The following GPHN variants were observed in gnomAD, a reference collection of about 807,000 sequenced individuals.
The protein encoded by GPHN is gephyrin.
Under a neutral mutation model 95.5 loss-of-function variants are expected in GPHN, and 17 were observed. That is an observed-to-expected ratio of 0.18 (90% CI 0.12 to 0.27). GPHN has a LOEUF of 0.27. GPHN is among the 10% of genes least tolerant of loss of function. The pLI, the probability that GPHN is intolerant of heterozygous loss-of-function variation, is 1.00. For synonymous variants in GPHN, 320 were observed against 322.5 expected, an observed-to-expected ratio of 0.99 and a Z score of 0.08; for missense variants, 660 against 978.1, an observed-to-expected ratio of 0.67 and a Z score of 4.34.
the GPHN span, among the ~76,000 whole-genome samples, chr14:67,643,320 A>G: frequency 1.3e-5 from 2 of 152,380 alleles, no homozygotes; most frequent in East Asian, 1.9e-4. Context: ...CAGAATTTCA[A>G]AGGAGGAAGA....
the GPHN span, chr14:67,575,780 T>G: frequency 6.6e-7 from 1 of 1,506,130 alleles, no homozygotes; most frequent in Admixed American, 1.8e-5. Context: ...GACTCCCTCA[T>G]CCCCCACTGG....
At chr14:66,935,147 C>T (rs1160162381) in intron 8 of GPHN, among the ~76,000 whole-genome samples, 2 of 152,078 alleles carry the variant, frequency 1.3e-5, no homozygotes, top group Non-Finnish European at 2.9e-5. Flanking sequence ...GCTTTGCAGC[C>T]TCAAGGCAAC....
At chr14:67,260,569 GGA>G in the GPHN span, among the ~76,000 whole-genome samples, 1 of 152,122 alleles carries the variant, frequency 6.6e-6, no homozygotes, top group African/African-American at 2.4e-5. Flanking sequence ...AGTTTGTAGA[GGA>G]GAGAGAGGGC....
chr14:67,559,485 C>A, the GPHN span: 1 of 644,492 alleles, frequency 1.6e-6, no homozygotes, highest in Non-Finnish European at 2.8e-6. Flanking sequence ...CAAACGATTT[C>A]TGCTCACTGG....
At chr14:66,588,069 G>A (rs1259045468) in intron 1 of GPHN, among the ~76,000 whole-genome samples, 1 of 152,192 alleles carries the variant, frequency 6.6e-6, no homozygotes, top group Admixed American at 6.5e-5. Context: ...CTGTTCTGCA[G>A]CCTCCGCTGG....
the GPHN span, among the ~76,000 whole-genome samples, chr14:67,508,753 C>CAAAAAAAAAAAAAAACAA: frequency 1.3e-4 from 6 of 46,714 alleles, no homozygotes; most frequent in Non-Finnish European, 2.3e-4. Flanking sequence ...AACCTTGTCT[C>CAAAAAAAAAAAAAAACAA]AAAAAAAAAA....
At chr14:67,211,660 C>G in the GPHN span, among the ~76,000 whole-genome samples, 1 of 152,114 alleles carries the variant, frequency 6.6e-6, no homozygotes, top group Non-Finnish European at 1.5e-5. Context: ...GGCAAAGTGG[C>G]TCACACGCCT....
chr14:67,257,484 C>A, the GPHN span, among the ~76,000 whole-genome samples: 3 of 152,048 alleles, frequency 2.0e-5, no homozygotes, highest in Non-Finnish European at 2.9e-5. Context: ...ACTTTGCTTT[C>A]ACAGGATGTA....
rs141837605 is a variant in GPHN at position 66,901,970 on chromosome 14, A to G, written c.390-14033A>G. ...GAATGTCTAGATTACATTGGGTACT[A>G]TGGTCATTTTAACAATATTCTTCCT... On this transcript the variant is annotated intron_variant, in intron 5 of 22. Transcript: ENST00000478722. 1.8e-4 allele frequency among the ~76,000 whole-genome samples: 27 copies of G among 152,106 alleles called. 1 individual carries two copies. In the South Asian group the frequency reaches 5.2e-3, roughly 29 times the overall value.
rs549713805 is a variant in GPHN, at chr14:66,882,856, TA to T, written c.389+2835del. Among the ~76,000 whole-genome samples the T allele has an allele frequency of 5.0e-3, 710 of 142,668 alleles. 8 individuals carry two copies. The highest frequency in any genetic ancestry group is 0.03 in the East Asian group (150 of 4,998). The allele number at this position is 142,668 out of a possible 152,430, so 93.6% of individuals were successfully genotyped here. On this transcript the variant is annotated intron_variant, in intron 5 of 22. Transcript: ENST00000478722. ...GTTGACTGTTCTTTTCTTTCAGCAT[TA>T]AAAAAAAAAAAGTAAAATAAAATAT...
chr14:67,417,536 A>G, the GPHN span, among the ~76,000 whole-genome samples: 1 of 151,406 alleles, frequency 6.6e-6, no homozygotes, highest in Non-Finnish European at 1.5e-5. Flanking sequence ...GGTATAAGCA[A>G]TCCCCCTACC....
intron 8 of GPHN, among the ~76,000 whole-genome samples, chr14:66,945,045 T>G (rs1440328488): frequency 6.6e-6 from 1 of 152,246 alleles, no homozygotes; most frequent in African/African-American, 2.4e-5. Flanking sequence ...TAGACTTGCT[T>G]GGTACTTACC....
At chr14:67,600,887 C>A in the GPHN span, among the ~76,000 whole-genome samples, 1 of 152,152 alleles carries the variant, frequency 6.6e-6, no homozygotes, top group African/African-American at 2.4e-5. Context: ...CCCAAACCCA[C>A]AGTTTTAATC....
At chr14:67,414,306 C>T in the GPHN span, among the ~76,000 whole-genome samples, 1 of 152,214 alleles carries the variant, frequency 6.6e-6, no homozygotes, top group African/African-American at 2.4e-5. Context: ...TCCAGCCCAC[C>T]CTGCCTGACT....
chr14:67,253,199 G>T, the GPHN span, among the ~76,000 whole-genome samples: 1 of 152,184 alleles, frequency 6.6e-6, no homozygotes, highest in African/African-American at 2.4e-5. Context: ...AATTCAGTAG[G>T]TTTTATTTTG....
intron 2 of GPHN, among the ~76,000 whole-genome samples, chr14:66,754,215 A>T (rs1183733980): frequency 6.6e-6 from 1 of 152,084 alleles, no homozygotes; most frequent in Non-Finnish European, 1.5e-5. Context: ...TCTCTTAGAT[A>T]AGTACTTAGT....
intron 1 of GPHN, among the ~76,000 whole-genome samples, chr14:66,585,529 G>T (rs1044043127): frequency 5.3e-5 from 8 of 151,998 alleles, no homozygotes; most frequent in African/African-American, 1.2e-4. Context: ...GGCATTTAGT[G>T]CTATAAATTT....
chr14:66,898,466 T>TAA (rs59434196), intron 5 of GPHN, among the ~76,000 whole-genome samples: 22,160 of 91,374 alleles, frequency 0.24, 3,271 homozygotes, highest in African/African-American at 0.37. Context: ...GCTACTTGTT[T>TAA]AAAAAAAAAA....
chr14:67,646,662 T>C, the GPHN span: 24 of 1,612,412 alleles, frequency 1.5e-5, no homozygotes, highest in Non-Finnish European at 1.8e-5. Context: ...ACTCCCAGGA[T>C]TTTCCTGGAT....
Sources: allele counts gnomAD v4.1 joint callset (sites outside exome capture counted in the v4.1 genomes callset), GRCh38; gene constraint gnomAD v4.1.1; transcripts MANE v1.5; gene names NCBI Gene and HGNC (gene_info 2026-07-23, HGNC 2026-07-21).